PCGF3: variants seen among roughly 807,000 people sequenced by gnomAD.
PCGF3 encodes polycomb group ring finger 3.
In PCGF3, 7 loss-of-function variants were observed where a neutral mutation model predicts 33.1. The ratio of observed to expected loss-of-function variants is 0.21; its 90% CI spans 0.12 to 0.40. PCGF3 has a LOEUF of 0.40. Among genes scored for constraint, PCGF3 ranks in the 10% least tolerant of loss-of-function variants. The pLI, the probability that PCGF3 is intolerant of heterozygous loss-of-function variation, is 1.00. For missense variants in PCGF3, 211 were observed against 313.3 expected, an observed-to-expected ratio of 0.67 and a Z score of 2.46; for synonymous variants, 153 against 121.3, an observed-to-expected ratio of 1.26 and a Z score of -1.72.
intron 1 of PCGF3, among the ~76,000 whole-genome samples, chr4:716,022 C>CTG (rs1742816948): frequency 3.6e-5 from 5 of 138,136 alleles, no homozygotes; most frequent in Admixed American, 1.4e-4. Flanking sequence ...CCTGTAGACA[C>CTG]TGAGTGTGAG....
At chr4:708,564 A>G (rs1407987625) in intron 1 of PCGF3, among the ~76,000 whole-genome samples, 1 of 152,096 alleles carries the variant, frequency 6.6e-6, no homozygotes, top group Non-Finnish European at 1.5e-5. Flanking sequence ...CAGGGGCCTC[A>G]GGGTTCCAGG....
At chr4:752,511 C>T (rs1241868639) in intron 8 of PCGF3, among the ~76,000 whole-genome samples, 1 of 152,230 alleles carries the variant, frequency 6.6e-6, no homozygotes, top group Non-Finnish European at 1.5e-5. Flanking sequence ...GCTTCCAGAG[C>T]CTGGCTTTGC....
chr4:756,053 A>C (rs1744756058), intron 8 of PCGF3, among the ~76,000 whole-genome samples: 1 of 151,276 alleles, frequency 6.6e-6, no homozygotes, highest in African/African-American at 2.4e-5. Context: ...AGCTGGGATT[A>C]TAGGCACATG....
chr4:742,832 C>T (rs1744152925), intron 6 of PCGF3, among the ~76,000 whole-genome samples: 1 of 152,240 alleles, frequency 6.6e-6, no homozygotes, highest in Non-Finnish European at 1.5e-5. Flanking sequence ...CACTGCCAGG[C>T]AACGGGGTGC....
chr4:735,047 G>A lies in PCGF3; in HGVS notation c.206+20G>A, dbSNP rs751490923. ...CATCGGGTGAGTGTGGGCCTTCCCA[G>A]GCCACAGTACGTGGGGTGAGTGCCC... On this transcript the variant is annotated intron_variant, in intron 5 of 10. Coordinates refer to ENST00000362003, the Ensembl canonical transcript of PCGF3. 51 of 1,608,330 alleles carry A rather than the reference G, an allele frequency of 3.2e-5. No homozygotes were observed. The highest frequency in any genetic ancestry group is 3.6e-5 in the Non-Finnish European group (43 of 1,178,304).
At chr4:761,842 C>T (rs1745077210) in intron 9 of PCGF3, 9 of 985,196 alleles carry the variant, frequency 9.1e-6, no homozygotes, top group Admixed American at 6.1e-5. Context: ...ATGAACATGC[C>T]AGTGTGGGTC....
intron 10 of PCGF3, among the ~76,000 whole-genome samples, chr4:765,305 C>T (rs1745301353): frequency 6.6e-6 from 1 of 152,110 alleles, no homozygotes; most frequent in African/African-American, 2.4e-5. Flanking sequence ...TAGTGGTGGG[C>T]ACCTGTAGTC....
exon 11 of PCGF3, chr4:769,502 T>C (rs1326600346): frequency 1.3e-5 from 2 of 152,726 alleles, no homozygotes; most frequent in Admixed American, 1.3e-4. Flanking sequence ...GATCAATGTA[T>C]TTCTCTGCCT....
At chr4:732,349 C>CCCTTCCCCTCCCCTCCCTTCT (rs138150079) in intron 3 of PCGF3, 21,845 of 125,392 alleles carry the variant, frequency 0.17, 2,334 homozygotes, top group Non-Finnish European at 0.23. Context: ...CCCCTCCCTT[C>CCCTTCCCCTCCCCTCCCTTCT]CCTTCCCCTC....
At chr4:740,355 G>T (rs887757166) in intron 6 of PCGF3, among the ~76,000 whole-genome samples, 1 of 152,236 alleles carries the variant, frequency 6.6e-6, no homozygotes, top group Non-Finnish European at 1.5e-5. Context: ...TTAGTGGTTT[G>T]TTGTTTCTTT....
chr4:711,128 G>C (rs569182329), intron 1 of PCGF3, among the ~76,000 whole-genome samples: 4 of 152,314 alleles, frequency 2.6e-5, no homozygotes, highest in Non-Finnish European at 5.9e-5. Flanking sequence ...CGGACCCCAT[G>C]CCTCCTTCCG....
chr4:708,025 C>T (rs984551366), intron 1 of PCGF3, among the ~76,000 whole-genome samples: 2 of 137,042 alleles, frequency 1.5e-5, no homozygotes, highest in African/African-American at 5.4e-5. Flanking sequence ...CCCTGGGGGC[C>T]GGGACCCTGG....
intron 3 of PCGF3, among the ~76,000 whole-genome samples, chr4:733,287 C>T (rs563696413): frequency 3.9e-5 from 6 of 152,244 alleles, no homozygotes; most frequent in East Asian, 1.9e-4. Context: ...TCATCCCACC[C>T]GGCAGCTCTG....
Position 736,720 on chromosome 4 carries a change from T to A in PCGF3, c.207-746T>A, listed in dbSNP as rs112135853. Reference sequence around the variant, plus strand: ...ACCCGGGGTGTCCGCAGGGACGGTGTCCCCTGAGCGCACGGGACGCGGGGA... The same window carrying A: ...ACCCGGGGTGTCCGCAGGGACGGTGACCCCTGAGCGCACGGGACGCGGGGA... On this transcript the variant is annotated intron_variant, in intron 5 of 10. Coordinates refer to ENST00000362003, the Ensembl canonical transcript of PCGF3. Among the ~76,000 whole-genome samples, 5 of 149,078 alleles carry A rather than the reference T, an allele frequency of 3.4e-5. No homozygotes were observed. In the East Asian group the frequency reaches 6.0e-4, roughly 18 times the overall value.
At chr4:707,247 C>T (rs373352392) in intron 1 of PCGF3, among the ~76,000 whole-genome samples, 3 of 151,394 alleles carry the variant, frequency 2.0e-5, no homozygotes, top group Admixed American at 6.6e-5. Flanking sequence ...GGAAGAATCA[C>T]GGAGGAGGGC....
At chr4:767,489 GAGCC>G (rs1745434242) in exon 11 of PCGF3, 1 of 152,152 alleles carries the variant, frequency 6.6e-6, no homozygotes, top group South Asian at 2.1e-4. Context: ...CACTCCTTGG[GAGCC>G]CAGGTGGTCC....
chr4:750,125 C>T (rs189569141), intron 8 of PCGF3, among the ~76,000 whole-genome samples: 91 of 152,324 alleles, frequency 6.0e-4, no homozygotes, highest in African/African-American at 1.9e-3. Context: ...AGCGCATTTC[C>T]GGCTGTGTTT....
In PCGF3 at chr4:720,569, CAGGA is replaced by C. The variant is rs1302711653; in HGVS notation, c.-189-10060_-189-10057del. Among the ~76,000 whole-genome samples, 2 of 148,348 alleles carry C rather than the reference CAGGA, an allele frequency of 1.3e-5. No homozygotes were observed. Among genetic ancestry groups the C allele is most frequent in the African/African-American group, 5.0e-5 (2 of 39,894 alleles). On this transcript the variant is annotated intron_variant, in intron 1 of 10. Coordinates refer to ENST00000362003, the Ensembl canonical transcript of PCGF3. This position sits in a 1 kb window ranked among gnomAD's most constrained non-coding sequence, Gnocchi z 5.6. ...GATGTGGACGCAGCCCCGACGTGAA[CAGGA>C]CCCCACGTGGACGGGCAGTGACGTG... is the stretch of plus-strand genomic sequence containing the variant.
intron 8 of PCGF3, among the ~76,000 whole-genome samples, chr4:754,838 G>A (rs568909141): frequency 2.0e-4 from 31 of 152,320 alleles, no homozygotes; most frequent in South Asian, 6.2e-4. Context: ...CCAGGCAGGC[G>A]TCTGAGCCAG....
Sources: allele counts gnomAD v4.1 joint callset (sites outside exome capture counted in the v4.1 genomes callset), GRCh38; gene constraint gnomAD v4.1.1; non-coding constraint Gnocchi (gnomAD v3.1); transcripts MANE v1.5; gene names NCBI Gene and HGNC (gene_info 2026-07-23, HGNC 2026-07-21).